Variants in ROPN1L observed in about 807,000 individuals in gnomAD.
ROPN1L encodes the protein rhophilin associated tail protein 1 like.
A neutral mutation model predicts 22.7 loss-of-function variants in ROPN1L; 23 were observed. That is an observed-to-expected ratio of 1.01 (90% CI 0.73 to 1.43). The LOEUF (loss-of-function observed/expected upper bound fraction) is 1.43, where lower values mean the gene tolerates loss of function less well. ROPN1L is among the 40% of genes most tolerant of loss of function. ROPN1L has a pLI of 0.00. For missense variants in ROPN1L, 271 were observed against 291.5 expected, an observed-to-expected ratio of 0.93 and a Z score of 0.51; for synonymous variants, 116 against 117.8, an observed-to-expected ratio of 0.98 and a Z score of 0.10.
At chr5:10,466,136 T>G (rs1735149983), downstream of ROPN1L, among the ~76,000 whole-genome samples, 1 of 152,174 alleles carries the variant, frequency 6.6e-6, no homozygotes, top group Non-Finnish European at 1.5e-5. Context: ...ATGAATACAT[T>G]TCAGGTTAGC....
At chr5:10,465,421 A>T (rs1291799915), downstream of ROPN1L, among the ~76,000 whole-genome samples, 2 of 151,490 alleles carry the variant, frequency 1.3e-5, no homozygotes, top group African/African-American at 4.8e-5. Flanking sequence ...AGGCTGAGGC[A>T]GGAGAATGGT....
the ROPN1L span, among the ~76,000 whole-genome samples, chr5:10,479,588 G>A: frequency 1.3e-5 from 2 of 152,166 alleles, no homozygotes; most frequent in African/African-American, 2.4e-5. Context: ...AGCACAGGAC[G>A]CCAGGCTGGG....
intron 1 of ROPN1L, among the ~76,000 whole-genome samples, chr5:10,442,857 C>G (rs968474772): frequency 6.6e-6 from 1 of 152,216 alleles, no homozygotes; most frequent in East Asian, 1.9e-4. Context: ...TTGCCACAAA[C>G]ATTCCAACAC....
chr5:10,461,264 G>T lies in ROPN1L; in HGVS notation c.498G>T (p.Lys166Asn). ...PEGGPARIPF[K>N]TFSYVYRYLA... ...GCGGGCCCGCTCGCATCCCCTTCAA[G>T]ACGTTTTCCTACGTTTACCGCTACT... The change falls in exon 4 of 5, where the codon AAG (lysine) becomes AAT (asparagine). Residue 166 changes from lysine to asparagine, a missense_variant. Transcript: ENST00000274134. 1 of 1,614,160 alleles carries T rather than the reference G, an allele frequency of 6.2e-7. No homozygotes were observed. The highest frequency in any genetic ancestry group is 1.1e-5 in the South Asian group (1 of 91,084).
chr5:10,464,433 C>T (rs1244043332), intron 4 of ROPN1L, among the ~76,000 whole-genome samples: 1 of 152,256 alleles, frequency 6.6e-6, no homozygotes. Context: ...GATCCGCGCA[C>T]CTCTTCTCTT....
downstream of ROPN1L, among the ~76,000 whole-genome samples, chr5:10,467,409 G>A (rs1458892346): frequency 6.6e-6 from 1 of 152,148 alleles, no homozygotes; most frequent in Admixed American, 6.5e-5. Flanking sequence ...GGACGTGCCT[G>A]GAAGAACAAA....
chr5:10,448,172 G>A (rs530029715), intron 1 of ROPN1L, 88 bp from the exon 2 acceptor site: 53 of 1,490,328 alleles, frequency 3.6e-5, no homozygotes, highest in Non-Finnish European at 4.6e-5. Flanking sequence ...CCTAATCACC[G>A]TTGTTTTGGG....
intron 1 of ROPN1L, among the ~76,000 whole-genome samples, chr5:10,444,114 A>G (rs961920667): frequency 5.9e-5 from 9 of 152,190 alleles, no homozygotes; most frequent in African/African-American, 2.2e-4. Flanking sequence ...GACTCTTTCA[A>G]AGTTCTTGCT....
rs549179735 is a variant in ROPN1L at position 10,452,774 on chromosome 5, A to G, written c.417+2661A>G. On this transcript the variant is annotated intron_variant, in intron 3 of 4. Transcript: ENST00000274134. ...TAGAATAATTCATGTTTTTGGATCC[A>G]TCTTTATAGTTTTCACCTTCCTAAT... Among the ~76,000 whole-genome samples the G allele has an allele frequency of 3.3e-5, 5 of 152,302 alleles. No individual in the cohort carries two copies. The South Asian group carries it at 6.2e-4, about 19-fold the overall frequency.
At chr5:10,449,727 G>A (rs1322399464) in intron 2 of ROPN1L, among the ~76,000 whole-genome samples, 4 of 152,028 alleles carry the variant, frequency 2.6e-5, no homozygotes, top group African/African-American at 9.7e-5. Flanking sequence ...ACATGATGCC[G>A]TATTCGCTTC....
At chr5:10,449,618 A>C (rs541667535) in intron 2 of ROPN1L, among the ~76,000 whole-genome samples, 3 of 152,202 alleles carry the variant, frequency 2.0e-5, no homozygotes, top group Non-Finnish European at 4.4e-5. Context: ...GATTTTTAAA[A>C]TGTTTTTTAC....
chr5:10,476,051 C>A (rs1361390286), downstream of ROPN1L, among the ~76,000 whole-genome samples: 2 of 152,212 alleles, frequency 1.3e-5, no homozygotes, highest in African/African-American at 2.4e-5. Flanking sequence ...TCTTAAGGCC[C>A]ATACTTAGGA....
the ROPN1L span, among the ~76,000 whole-genome samples, chr5:10,480,888 C>G: frequency 6.6e-5 from 10 of 152,140 alleles, no homozygotes; most frequent in African/African-American, 1.9e-4. Context: ...CCCTGCCCAC[C>G]CACAGCTCTT....
At chr5:10,470,924 G>C (rs1735236036) in intron 4 of ROPN1L, among the ~76,000 whole-genome samples, 2 of 152,336 alleles carry the variant, frequency 1.3e-5, no homozygotes, top group South Asian at 4.1e-4. Flanking sequence ...TCTCATCCCA[G>C]TGGCAGGGAA....
At chr5:10,474,450 A>G (rs1735292724), downstream of ROPN1L, among the ~76,000 whole-genome samples, 1 of 152,236 alleles carries the variant, frequency 6.6e-6, no homozygotes, top group Admixed American at 6.5e-5. Flanking sequence ...CTGCGAGGGC[A>G]CCAGGTGCTG....
rs143784162 is a variant in ROPN1L, at chr5:10,461,326, C to T, written c.560C>T (p.Thr187Met). The change falls in exon 4 of 5, where the codon ACG (threonine) becomes ATG (methionine). Residue 187 changes from threonine to methionine, a missense_variant. Physicochemically the swap from Thr to Met is moderately conservative, Grantham distance 81 (BLOSUM62 -1). Coordinates refer to ENST00000274134, the MANE Select transcript of ROPN1L (RefSeq NM_031916.5). ...GACTCAGATGTGTCTCCCTTGGAGA[C>T]GGAATCCTACCTTGCCTCTCTAAAG... ...RLDSDVSPLE[T>M]ESYLASLKEN... is the part of the protein sequence containing the mutation. 2.2e-5 allele frequency: 36 copies of T among 1,613,884 alleles called. No individual in the cohort carries two copies. In the African/African-American group the frequency reaches 3.1e-4, roughly 14 times the overall value.
intron 3 of ROPN1L, among the ~76,000 whole-genome samples, chr5:10,450,800 G>A (rs1579646201): frequency 6.6e-6 from 1 of 152,326 alleles, no homozygotes; most frequent in African/African-American, 2.4e-5. Flanking sequence ...CACCGCGCCG[G>A]CCTTAGAAAT....
the ROPN1L span, chr5:10,481,930 T>G: frequency 3.3e-5 from 5 of 152,380 alleles, no homozygotes; most frequent in Non-Finnish European, 1.5e-5. Context: ...AAAGACAATC[T>G]GGAACAAGAG....
the ROPN1L span, chr5:10,478,045 T>A: frequency 6.6e-6 from 1 of 152,292 alleles, no homozygotes; most frequent in East Asian, 1.9e-4. Context: ...CATCCCGCAT[T>A]CCCTCTGCTT....
Sources: allele counts gnomAD v4.1 joint callset (sites outside exome capture counted in the v4.1 genomes callset), GRCh38; gene constraint gnomAD v4.1.1; transcripts MANE v1.5; gene names NCBI Gene and HGNC (gene_info 2026-07-23, HGNC 2026-07-21).